The following SLC36A1 variants were observed in gnomAD, a reference collection of about 807,000 sequenced individuals.
SLC36A1 encodes the protein proton-coupled amino acid transporter 1.
SLC36A1 carries 30 observed loss-of-function variants against 47.5 expected under a neutral mutation model. The ratio of observed to expected loss-of-function variants is 0.63; its 90% CI spans 0.47 to 0.86. SLC36A1 has a LOEUF of 0.86. SLC36A1 is among the 40% of genes least tolerant of loss of function. The pLI, the probability that SLC36A1 is intolerant of heterozygous loss-of-function variation, is 0.00. For missense variants in SLC36A1, 517 were observed against 606.0 expected, an observed-to-expected ratio of 0.85 and a Z score of 1.54; for synonymous variants, 255 against 249.7, an observed-to-expected ratio of 1.02 and a Z score of -0.20.
the SLC36A1 span, chr5:151,542,248 C>A: frequency 1.3e-6 from 2 of 1,527,662 alleles, no homozygotes; most frequent in Non-Finnish European, 1.8e-6. Flanking sequence ...TTTTTCGATA[C>A]ATTCCAGAGC....
At chr5:151,544,599 G>A in the SLC36A1 span, 1 of 1,614,008 alleles carries the variant, frequency 6.2e-7, no homozygotes, top group Non-Finnish European at 8.5e-7. Flanking sequence ...CTCTGACTTT[G>A]TAATAAGGAC....
At chr5:151,392,855 G>T in the SLC36A1 span, among the ~76,000 whole-genome samples, 1 of 152,212 alleles carries the variant, frequency 6.6e-6, no homozygotes, top group Admixed American at 6.5e-5. Flanking sequence ...GTGCGATGTG[G>T]TGCTGAGAAG....
chr5:151,507,567 A>T, the SLC36A1 span: 1 of 1,613,802 alleles, frequency 6.2e-7, no homozygotes, highest in Non-Finnish European at 8.5e-7. Context: ...CTCGGGAGTG[A>T]CTAGGCAGTG....
At chr5:151,531,446 G>T in the SLC36A1 span, 1 of 1,181,016 alleles carries the variant, frequency 8.5e-7, no homozygotes, top group Non-Finnish European at 1.2e-6. This position sits in a 1 kb window ranked among gnomAD's most constrained non-coding sequence, Gnocchi z 5.7. Context: ...TCGGAGAGAA[G>T]CAGAAGAGAA....
At chr5:151,529,159 C>T in the SLC36A1 span, 1 of 1,610,696 alleles carries the variant, frequency 6.2e-7, no homozygotes, top group Non-Finnish European at 8.5e-7. Context: ...CCACAAAGAG[C>T]AAGGTGGCAG....
At chr5:151,486,934 G>C (rs990801958) in intron 10 of SLC36A1, among the ~76,000 whole-genome samples, 1 of 152,180 alleles carries the variant, frequency 6.6e-6, no homozygotes, top group African/African-American at 2.4e-5. Flanking sequence ...TGTACACCAG[G>C]CCTTTTGTGA....
At chr5:151,549,782 C>A in the SLC36A1 span, among the ~76,000 whole-genome samples, 8 of 152,200 alleles carry the variant, frequency 5.3e-5, no homozygotes, top group East Asian at 1.9e-4. Flanking sequence ...CAAATTACAT[C>A]TCAGAGAATA....
the SLC36A1 span, chr5:151,544,042 T>G: frequency 6.2e-7 from 1 of 1,614,200 alleles, no homozygotes; most frequent in South Asian, 1.1e-5. Flanking sequence ...CACAAGGGTT[T>G]CACCAGTGAG....
At chr5:151,361,473 T>A in the SLC36A1 span, among the ~76,000 whole-genome samples, 1 of 152,228 alleles carries the variant, frequency 6.6e-6, no homozygotes, top group African/African-American at 2.4e-5. Flanking sequence ...TATTTTAGAG[T>A]CAAAAATAGT....
the SLC36A1 span, chr5:151,347,474 A>G: frequency 8.1e-6 from 13 of 1,613,300 alleles, no homozygotes; most frequent in Non-Finnish European, 1.1e-5. Flanking sequence ...TGCTTAAGAA[A>G]CAAGGAGCTC....
the SLC36A1 span, among the ~76,000 whole-genome samples, chr5:151,535,357 G>A: frequency 6.6e-6 from 1 of 151,706 alleles, no homozygotes. Context: ...TTTTCTAATT[G>A]TGGGTTTTAA....
chr5:151,461,243 G>A (rs1488846778), intron 2 of SLC36A1, among the ~76,000 whole-genome samples: 1 of 151,328 alleles, frequency 6.6e-6, no homozygotes, highest in Non-Finnish European at 1.5e-5. Context: ...GCCTGCCTCG[G>A]CCTCCCAAAG....
At chr5:151,468,340 T>TAC (rs201165310) in intron 7 of SLC36A1, among the ~76,000 whole-genome samples, 39,654 of 118,964 alleles carry the variant, frequency 0.33, 7,411 homozygotes, top group East Asian at 0.45. Flanking sequence ...TATTATATTT[T>TAC]ATATATATTA....
chr5:151,531,421 G>A, the SLC36A1 span, among the ~76,000 whole-genome samples: 1 of 152,198 alleles, frequency 6.6e-6, no homozygotes, highest in Non-Finnish European at 1.5e-5. This position sits in a 1 kb window ranked among gnomAD's most constrained non-coding sequence, Gnocchi z 5.7. Flanking sequence ...CAGGGTGGAA[G>A]GAGGGACCTG....
chr5:151,518,227 C>G, the SLC36A1 span, among the ~76,000 whole-genome samples: 1 of 151,848 alleles, frequency 6.6e-6, no homozygotes, highest in East Asian at 1.9e-4. Context: ...ACTCCAGTTA[C>G]TTGGAATTAC....
At chr5:151,386,754 G>A in the SLC36A1 span, among the ~76,000 whole-genome samples, 1 of 152,274 alleles carries the variant, frequency 6.6e-6, no homozygotes, top group South Asian at 2.1e-4. Flanking sequence ...CAGTCCCACT[G>A]ACTTCAGTCT....
rs760286242 is a variant in SLC36A1, at chr5:151,467,209, G to T, written c.430G>T (p.Asp144Tyr). The part of the protein sequence containing the change: ...NHAHWGRRVV[D>Y]FFLIVTQLGF... ...CTTCCCCACCTCCAGACGTGTTGTG[G>T]ACTTCTTCCTGATTGTCACCCAGCT... Residue 144 changes from aspartate (D) to tyrosine (Y), a missense_variant, in exon 6 of 11, where the codon GAC (aspartate) becomes TAC (tyrosine). By Grantham distance (160) the Asp-to-Tyr change is radical (BLOSUM62 -3). Transcript: ENST00000243389. 1 of 1,611,762 alleles carries T rather than the reference G, an allele frequency of 6.2e-7. No individual in the cohort carries two copies. Among genetic ancestry groups the T allele is most frequent in the Admixed American group, 1.7e-5 (1 of 59,760 alleles).
chr5:151,442,755 C>T (rs1439010149), upstream of SLC36A1, among the ~76,000 whole-genome samples: 1 of 152,170 alleles, frequency 6.6e-6, no homozygotes, highest in East Asian at 1.9e-4. Context: ...TCCTACATAT[C>T]TGCTACTCTG....
chr5:151,483,171 C>T (rs988590635), intron 10 of SLC36A1, among the ~76,000 whole-genome samples: 2 of 152,216 alleles, frequency 1.3e-5, no homozygotes, highest in African/African-American at 2.4e-5. Flanking sequence ...TTCGTAAGTT[C>T]GCTTTTGTTC....
Sources: allele counts gnomAD v4.1 joint callset (sites outside exome capture counted in the v4.1 genomes callset), GRCh38; gene constraint gnomAD v4.1.1; non-coding constraint Gnocchi (gnomAD v3.1); transcripts MANE v1.5; gene names NCBI Gene and HGNC (gene_info 2026-07-23, HGNC 2026-07-21).